The following HIVEP1 variants were observed in gnomAD, a reference collection of about 807,000 sequenced individuals.
HIVEP1 encodes zinc finger protein 40.
In HIVEP1, 36 loss-of-function variants were observed where a neutral mutation model predicts 180.0. The observed-to-expected ratio is 0.20, with a 90% CI of 0.15 to 0.26. The LOEUF is 0.26. Ranked by LOEUF, HIVEP1 falls within the 10% of genes least tolerant of loss-of-function variation. HIVEP1 has a pLI of 1.00. For synonymous variants in HIVEP1, 1,239 were observed against 1,239.0 expected (o/e 1.00, Z 0.00); for missense variants, 3,143 against 3,268.7 (o/e 0.96, Z 0.94).
chr6:12,147,031 C>A (rs928645048), intron 7 of HIVEP1, among the ~76,000 whole-genome samples: 1 of 152,066 alleles, frequency 6.6e-6, no homozygotes, highest in Non-Finnish European at 1.5e-5. Flanking sequence ...CATTCTAGAC[C>A]AAGGAGTTGC....
chr6:12,122,464 G>A lies in HIVEP1; in HGVS notation c.2669G>A (p.Ser890Asn), dbSNP rs770641089. 1.9e-6 allele frequency: 3 copies of A among 1,614,088 alleles called. No individual in the cohort carries two copies. In the African/African-American group the frequency reaches 4.0e-5, roughly 22 times the overall value. Reference protein sequence around the residue: ...VSGPNAPVPQSGHPRTLVRQA... With the variant: ...VSGPNAPVPQNGHPRTLVRQA... Reference sequence around the variant, plus strand: ...GGACCTAACGCTCCTGTGCCCCAGAGTGGGCATCCCCGTACACTTGTGAGA... The same window carrying A: ...GGACCTAACGCTCCTGTGCCCCAGAATGGGCATCCCCGTACACTTGTGAGA... Residue 890 changes from serine (S) to asparagine (N), a missense_variant, in exon 4 of 9, where the codon AGT becomes AAT. Ser to Asn is a conservative substitution (Grantham distance 46, BLOSUM62 1). Coordinates refer to ENST00000379388, the MANE Select transcript of HIVEP1 (RefSeq NM_002114.4).
intron 6 of HIVEP1, among the ~76,000 whole-genome samples, chr6:12,135,061 T>G (rs1758630767): frequency 6.6e-6 from 1 of 152,156 alleles, no homozygotes; most frequent in Non-Finnish European, 1.5e-5. Context: ...AAAGGCCTTA[T>G]GGGAATCGAG....
chr6:12,162,697 CTA>C (rs1044675975), intron 8 of HIVEP1, among the ~76,000 whole-genome samples: 2 of 152,220 alleles, frequency 1.3e-5, no homozygotes, highest in African/African-American at 4.8e-5. Context: ...GTAAGCGTCT[CTA>C]TCCCAAAACC....
chr6:12,112,269 T>G (rs948719520), intron 3 of HIVEP1, among the ~76,000 whole-genome samples: 1 of 152,176 alleles, frequency 6.6e-6, no homozygotes, highest in African/African-American at 2.4e-5. Flanking sequence ...TTTTTATCTT[T>G]TATTCTCTGT....
chr6:12,200,146 A>G, the HIVEP1 span, among the ~76,000 whole-genome samples: 3 of 152,198 alleles, frequency 2.0e-5, no homozygotes, highest in Non-Finnish European at 4.4e-5. Flanking sequence ...ACTAGCAAAT[A>G]CAGGGCCAGG....
chr6:12,082,529 A>G (rs996476818), intron 2 of HIVEP1, among the ~76,000 whole-genome samples: 2 of 152,094 alleles, frequency 1.3e-5, no homozygotes, highest in Admixed American at 6.6e-5. Context: ...AGAAAGCCCT[A>G]TTTTTGCTTC....
At chr6:12,131,507 C>T (rs1056356344) in intron 6 of HIVEP1, among the ~76,000 whole-genome samples, 1 of 151,402 alleles carries the variant, frequency 6.6e-6, no homozygotes, top group African/African-American at 2.4e-5. Flanking sequence ...AAAGAAGTCT[C>T]AGAACTAATC....
In HIVEP1 at chr6:12,044,552, A is replaced by C. The variant is rs1026420569; in HGVS notation, c.40+28884A>C. Among the ~76,000 whole-genome samples the C allele has an allele frequency of 2.1e-4, 32 of 150,084 alleles. 1 individual carries two copies. The highest frequency in any genetic ancestry group is 1.2e-4 in the Non-Finnish European group (8 of 67,572). ...AAGCCAGTGCACCTGTGTACAGCTG[A>C]GGGCTCACTGTGCCCCCCTCAAAGC... On this transcript the variant is annotated intron_variant, in intron 2 of 8. Transcript: ENST00000379388.
intron 2 of HIVEP1, among the ~76,000 whole-genome samples, chr6:12,079,862 A>T (rs749907269): frequency 6.6e-6 from 1 of 152,130 alleles, no homozygotes; most frequent in Admixed American, 6.6e-5. Context: ...TGAAGATGCA[A>T]TTGATTATTG....
At chr6:12,144,268 A>G (rs548282282) in intron 7 of HIVEP1, among the ~76,000 whole-genome samples, 6 of 152,222 alleles carry the variant, frequency 3.9e-5, no homozygotes, top group Non-Finnish European at 5.9e-5. Context: ...TAACAAAAAC[A>G]AGAAAAGGGG....
At position 12,018,592 on chromosome 6, in the gene HIVEP1, A is replaced by C. The variant is rs145127884; in HGVS notation, c.40+2924A>C. ...AATAGTATGGAGATTCCACAGAGAT[A>C]GGGAGTCATTATTTTGTCCCCATTG... is the stretch of plus-strand genomic sequence containing the variant. On this transcript the variant is annotated intron_variant, in intron 2 of 8. Coordinates refer to ENST00000379388, the MANE Select transcript of HIVEP1 (RefSeq NM_002114.4). 4.7e-4 allele frequency among the ~76,000 whole-genome samples: 71 copies of C among 152,358 alleles called. 1 individual carries two copies. The highest frequency in any genetic ancestry group is 1.6e-3 in the African/African-American group (67 of 41,580).
At chr6:12,061,805 G>T (rs1302712009) in intron 2 of HIVEP1, among the ~76,000 whole-genome samples, 2 of 151,936 alleles carry the variant, frequency 1.3e-5, no homozygotes, top group African/African-American at 2.4e-5. Flanking sequence ...AATGTGATTG[G>T]TAATTTTAAC....
intron 7 of HIVEP1, among the ~76,000 whole-genome samples, chr6:12,139,217 T>C (rs1758866368): frequency 6.6e-6 from 1 of 152,124 alleles, no homozygotes; most frequent in South Asian, 2.1e-4. Context: ...ACCATCTCCC[T>C]GAGGCTCAGC....
intron 2 of HIVEP1, among the ~76,000 whole-genome samples, chr6:12,034,522 A>G (rs763656474): frequency 2.6e-5 from 4 of 152,210 alleles, no homozygotes; most frequent in Non-Finnish European, 4.4e-5. Flanking sequence ...CTGCAGTTCA[A>G]TAGGAGAGTT....
At chr6:12,074,246 C>T (rs1449422878) in intron 2 of HIVEP1, among the ~76,000 whole-genome samples, 3 of 152,072 alleles carry the variant, frequency 2.0e-5, no homozygotes, top group Non-Finnish European at 4.4e-5. Flanking sequence ...CCTGATGCAC[C>T]GATACCAGTG....
rs1287931959 is a variant in HIVEP1, at chr6:12,163,337, G to A, written c.7033G>A (p.Ala2345Thr). ...PAAAEHSPQT[A>T]AGMPSVASPH... is the part of the protein sequence containing the mutation. The stretch of plus-strand genomic sequence containing the variant: ...TGCAGCTGAGCACAGCCCCCAGACA[G>A]CAGCGGGGATGCCTTCTGTGGCCTC... Residue 2345 changes from alanine to threonine, a missense_variant, in exon 9 of 9, where the codon GCA becomes ACA. Around this residue, in one of 12 missense-constraint regions of HIVEP1, gnomAD observed 595 missense variants for 602.2 expected, o/e 0.99. Coordinates refer to ENST00000379388, the MANE Select transcript of HIVEP1 (RefSeq NM_002114.4). 1 of 1,614,164 alleles carries A rather than the reference G, an allele frequency of 6.2e-7. No homozygotes were observed.
the HIVEP1 span, among the ~76,000 whole-genome samples, chr6:12,183,240 A>G: frequency 1.3e-5 from 2 of 152,214 alleles, no homozygotes; most frequent in Non-Finnish European, 1.5e-5. Flanking sequence ...AGAACAAGAG[A>G]ACAAACAAGG....
chr6:12,203,887 A>G, the HIVEP1 span, among the ~76,000 whole-genome samples: 1 of 151,888 alleles, frequency 6.6e-6, no homozygotes, highest in African/African-American at 2.4e-5. Context: ...GACCAGCCTG[A>G]CCAACATGGA....
At position 12,155,846 on chromosome 6, in the gene HIVEP1, T is replaced by A. The variant is rs544226411; in HGVS notation, c.6488-5593T>A. The stretch of plus-strand genomic sequence containing the variant: ...ATCACCACACTGTCTTCCACAATGG[T>A]TGAGCTAATTTACACTCCCACTAGC... On this transcript the variant is annotated intron_variant, in intron 7 of 8. Transcript: ENST00000379388. 6.6e-5 allele frequency among the ~76,000 whole-genome samples: 10 copies of A among 152,338 alleles called. No individual in the cohort carries two copies. In the East Asian group the frequency reaches 1.3e-3, roughly 21 times the overall value.
Sources: allele counts gnomAD v4.1 joint callset (sites outside exome capture counted in the v4.1 genomes callset), GRCh38; gene constraint gnomAD v4.1.1; regional missense constraint gnomAD v4.1.1; transcripts MANE v1.5; gene names NCBI Gene and HGNC (gene_info 2026-07-23, HGNC 2026-07-21).